Variants in MSI2 observed in about 807,000 individuals in gnomAD.
MSI2 encodes RNA-binding protein Musashi homolog 2.
Under a neutral mutation model 45.6 loss-of-function variants are expected in MSI2, and 17 were observed. That is an observed-to-expected ratio of 0.37 (90% confidence interval 0.26 to 0.56). MSI2 has a LOEUF of 0.56. Among genes scored for constraint, MSI2 ranks in the 20% least tolerant of loss-of-function variants. MSI2 has a pLI of 0.77. For missense variants in MSI2, 293 were observed against 444.2 expected, an observed-to-expected ratio of 0.66 and a Z score of 3.06; for synonymous variants, 156 against 158.2, an observed-to-expected ratio of 0.99 and a Z score of 0.11.
intron 6 of MSI2, among the ~76,000 whole-genome samples, chr17:57,408,606 C>T (rs1226830086): frequency 6.6e-6 from 1 of 152,008 alleles, no homozygotes; most frequent in Non-Finnish European, 1.5e-5. Flanking sequence ...GGCGGGGGGG[C>T]GGTATGAAGT....
chr17:57,553,564 G>A lies in MSI2; in HGVS notation c.454+23840G>A, dbSNP rs191526149. Among the ~76,000 whole-genome samples the A allele has an allele frequency of 4.4e-3, 668 of 152,294 alleles. 8 individuals are homozygous for A. Among genetic ancestry groups the A allele is most frequent in the African/African-American group, 0.015 (621 of 41,568 alleles). On this transcript the variant is annotated intron_variant, in intron 7 of 13. Coordinates refer to ENST00000284073, the MANE Select transcript of MSI2 (RefSeq NM_138962.4). ...ACAGGCTGAGGCTAAGGAGATGGGGGAGCTTTCCTGAGCAGCTTTCTGAGG... is the reference window on the plus strand; with the variant it reads ...ACAGGCTGAGGCTAAGGAGATGGGGAAGCTTTCCTGAGCAGCTTTCTGAGG...
chr17:57,311,011 G>A (rs931197191), intron 5 of MSI2, among the ~76,000 whole-genome samples: 2 of 152,198 alleles, frequency 1.3e-5, no homozygotes, highest in African/African-American at 4.8e-5. Context: ...ATTTGACAAC[G>A]TTGTTGTGAG....
chr17:57,409,872 G>A (rs899970404), intron 6 of MSI2, among the ~76,000 whole-genome samples: 13 of 152,096 alleles, frequency 8.5e-5, no homozygotes, highest in African/African-American at 3.1e-4. Flanking sequence ...ACTGAGCGTG[G>A]TGGTGGGCAC....
chr17:57,483,598 G>A (rs2085692810), intron 6 of MSI2, among the ~76,000 whole-genome samples: 1 of 152,174 alleles, frequency 6.6e-6, no homozygotes, highest in Non-Finnish European at 1.5e-5. Flanking sequence ...GCTGATGAGG[G>A]AAAGACTAAA....
At chr17:57,461,606 G>A (rs2085230894) in intron 6 of MSI2, among the ~76,000 whole-genome samples, 1 of 150,760 alleles carries the variant, frequency 6.6e-6, no homozygotes, top group South Asian at 2.1e-4. Flanking sequence ...AGCGATCTCA[G>A]CTGACAGCAA....
chr17:57,355,739 GCT>G (rs1273242413), intron 5 of MSI2, among the ~76,000 whole-genome samples: 2 of 152,188 alleles, frequency 1.3e-5, no homozygotes, highest in African/African-American at 2.4e-5. Context: ...CCAGACTCTG[GCT>G]CACCTTTTAA....
intron 5 of MSI2, among the ~76,000 whole-genome samples, chr17:57,343,063 A>C (rs941650522): frequency 2.0e-5 from 3 of 152,228 alleles, no homozygotes; most frequent in African/African-American, 7.2e-5. Flanking sequence ...ATTTTAAAAA[A>C]AGAGACACGG....
intron 10 of MSI2, among the ~76,000 whole-genome samples, chr17:57,641,147 C>G (rs1910226555): frequency 6.6e-6 from 1 of 152,174 alleles, no homozygotes; most frequent in Non-Finnish European, 1.5e-5. Context: ...TGGTGTCTGC[C>G]CTTCAACATC....
intron 5 of MSI2, among the ~76,000 whole-genome samples, chr17:57,339,488 C>G (rs545824221): frequency 6.6e-6 from 1 of 152,260 alleles, no homozygotes; most frequent in East Asian, 1.9e-4. Context: ...GGCTGCTCCT[C>G]CCTCCCTCGG....
At chr17:57,438,885 C>T (rs186702028) in intron 6 of MSI2, among the ~76,000 whole-genome samples, 9 of 151,988 alleles carry the variant, frequency 5.9e-5, no homozygotes, top group East Asian at 1.9e-4. Context: ...CTGCAACCCC[C>T]GCCTCCTGGA....
At chr17:57,361,669 G>A (rs1489157769) in intron 5 of MSI2, among the ~76,000 whole-genome samples, 1 of 152,004 alleles carries the variant, frequency 6.6e-6, no homozygotes, top group Non-Finnish European at 1.5e-5. Context: ...TCTTTAAGTG[G>A]AAGTGGATCA....
chr17:57,271,715 C>T (rs1172674594), intron 5 of MSI2, among the ~76,000 whole-genome samples: 1 of 143,922 alleles, frequency 6.9e-6, no homozygotes, highest in Non-Finnish European at 1.5e-5. Context: ...TCTCTTTTGG[C>T]AATTGCAAAA....
At chr17:57,665,790 T>A (rs943617472) in intron 11 of MSI2, among the ~76,000 whole-genome samples, 5 of 151,656 alleles carry the variant, frequency 3.3e-5, no homozygotes, top group Admixed American at 3.3e-4. Flanking sequence ...TTTCCTGGGG[T>A]GGGGGAGGGG....
At chr17:57,409,847 A>C (rs2084158201) in intron 6 of MSI2, among the ~76,000 whole-genome samples, 1 of 152,014 alleles carries the variant, frequency 6.6e-6, no homozygotes, top group South Asian at 2.1e-4. Flanking sequence ...TCTCTACTAA[A>C]AATACAAAAA....
chr17:57,636,468 A>G (rs1909848158), intron 10 of MSI2, among the ~76,000 whole-genome samples: 1 of 152,120 alleles, frequency 6.6e-6, no homozygotes, highest in Admixed American at 6.5e-5. Context: ...AGCCCACCCA[A>G]GTGGCAGAGA....
chr17:57,416,154 A>G (rs1166710237), intron 6 of MSI2, among the ~76,000 whole-genome samples: 1 of 152,142 alleles, frequency 6.6e-6, no homozygotes, highest in Non-Finnish European at 1.5e-5. Flanking sequence ...CACCATCTTA[A>G]TGGTGGTGTC....
At chr17:57,645,842 T>G (rs1440067079) in intron 10 of MSI2, among the ~76,000 whole-genome samples, 1 of 152,128 alleles carries the variant, frequency 6.6e-6, no homozygotes, top group Non-Finnish European at 1.5e-5. Flanking sequence ...GTGGGTCCAG[T>G]GAGCAACCAG....
In MSI2 at chr17:57,521,098, C is replaced by T. The variant is rs545044169; in HGVS notation, c.406-8578C>T. On this transcript the variant is annotated intron_variant, in intron 6 of 13. Transcript: ENST00000284073. Reference sequence around the variant, plus strand: ...CATTTGGAATGAAGGAAAAACGTGCCTGGCAGCAGCAGCTGGGATAGAAAC... The same window carrying T: ...CATTTGGAATGAAGGAAAAACGTGCTTGGCAGCAGCAGCTGGGATAGAAAC... Among the ~76,000 whole-genome samples, 11 of 152,274 alleles carry T rather than the reference C, an allele frequency of 7.2e-5. No homozygotes were observed. In the South Asian group the frequency reaches 2.3e-3, roughly 32 times the overall value.
chr17:57,276,664 C>A (rs142758517), intron 5 of MSI2, among the ~76,000 whole-genome samples: 3 of 152,218 alleles, frequency 2.0e-5, no homozygotes, highest in Non-Finnish European at 2.9e-5. Context: ...TGTTTCCCGG[C>A]GTGCTGCCGC....
Sources: allele counts gnomAD v4.1 joint callset (sites outside exome capture counted in the v4.1 genomes callset), GRCh38; gene constraint gnomAD v4.1.1; transcripts MANE v1.5; gene names NCBI Gene and HGNC (gene_info 2026-07-23, HGNC 2026-07-21).